The following CYP19A1 variants were observed in gnomAD, a reference collection of about 807,000 sequenced individuals.
CYP19A1 encodes cytochrome P450 family 19 subfamily A member 1.
In CYP19A1, 32 loss-of-function variants were observed where a neutral mutation model predicts 44.4. That is an observed-to-expected ratio of 0.72 (90% CI 0.54 to 0.97). The LOEUF is 0.97. CYP19A1 is among the 50% of genes least tolerant of loss of function. The pLI is 0.00. For missense variants in CYP19A1, 598 were observed against 637.8 expected, an observed-to-expected ratio of 0.94 and a Z score of 0.67; for synonymous variants, 212 against 215.6, an observed-to-expected ratio of 0.98 and a Z score of 0.14.
intron 1 of CYP19A1, among the ~76,000 whole-genome samples, chr15:51,286,655 T>G (rs1057513310): frequency 2.0e-5 from 3 of 152,002 alleles, no homozygotes; most frequent in Admixed American, 1.3e-4. Flanking sequence ...CCACCATGAG[T>G]ACCCCCTTAA....
chr15:51,311,985 A>C (rs2036319733), intron 1 of CYP19A1, among the ~76,000 whole-genome samples: 1 of 152,204 alleles, frequency 6.6e-6, no homozygotes, highest in Admixed American at 6.5e-5. Flanking sequence ...TTATATATCA[A>C]ACCCTAATGC....
chr15:51,292,768 A>G (rs920934806), intron 1 of CYP19A1, among the ~76,000 whole-genome samples: 7 of 151,296 alleles, frequency 4.6e-5, no homozygotes, highest in African/African-American at 1.7e-4. Flanking sequence ...CTGCCTATAC[A>G]TTTACACTGG....
intron 1 of CYP19A1, among the ~76,000 whole-genome samples, chr15:51,296,608 G>C (rs999080213): frequency 2.0e-5 from 3 of 152,288 alleles, no homozygotes; most frequent in Admixed American, 6.5e-5. Flanking sequence ...AGTTTAAAAA[G>C]TTGTTCCTTT....
At chr15:51,325,549 G>A (rs8041933) in intron 1 of CYP19A1, among the ~76,000 whole-genome samples, 27,410 of 152,102 alleles carry the variant, frequency 0.18, 2,771 homozygotes, top group Admixed American at 0.26. Flanking sequence ...TTGAAAAGTT[G>A]AAAGTGCAGG....
intron 1 of CYP19A1, among the ~76,000 whole-genome samples, chr15:51,269,267 G>T (rs535846388): frequency 6.6e-6 from 1 of 151,896 alleles, no homozygotes; most frequent in Admixed American, 6.5e-5. Flanking sequence ...CCGTTTTTTT[G>T]AAAAGGCCCT....
chr15:51,220,149 C>A (rs987240738), intron 5 of CYP19A1, among the ~76,000 whole-genome samples: 2 of 152,174 alleles, frequency 1.3e-5, no homozygotes, highest in Non-Finnish European at 2.9e-5. Flanking sequence ...GAGTGTTCTT[C>A]CCTCATATCT....
intron 1 of CYP19A1, among the ~76,000 whole-genome samples, chr15:51,246,064 G>A (rs1395193314): frequency 6.6e-6 from 1 of 152,188 alleles, no homozygotes; most frequent in Non-Finnish European, 1.5e-5. Context: ...ATGGACCTCT[G>A]AATGCCACAG....
intron 1 of CYP19A1, among the ~76,000 whole-genome samples, chr15:51,276,212 T>C (rs1304878239): frequency 6.6e-6 from 1 of 152,208 alleles, no homozygotes; most frequent in Non-Finnish European, 1.5e-5. Context: ...GCCAGTCTAA[T>C]CAGAGTATTT....
intron 2 of CYP19A1, among the ~76,000 whole-genome samples, chr15:51,237,224 G>A (rs1358043182): frequency 6.6e-6 from 1 of 152,188 alleles, no homozygotes; most frequent in African/African-American, 2.4e-5. Context: ...GTAAAAAGGA[G>A]TTCAGTATCC....
chr15:51,337,629 G>C (rs1566930215), intron 1 of CYP19A1, among the ~76,000 whole-genome samples: 1 of 152,244 alleles, frequency 6.6e-6, no homozygotes, highest in Non-Finnish European at 1.5e-5. Context: ...AGATGAGGAA[G>C]GGTACTCGGA....
chr15:51,232,223 A>T (rs1307643929), intron 3 of CYP19A1, among the ~76,000 whole-genome samples: 1 of 151,940 alleles, frequency 6.6e-6, no homozygotes, highest in African/African-American at 2.4e-5. Flanking sequence ...TTTTGCCCCC[A>T]CTAGTCCATT....
At chr15:51,293,728 C>G (rs143128123) in intron 1 of CYP19A1, 1 of 160,136 alleles carries the variant, frequency 6.2e-6, no homozygotes, top group African/African-American at 2.4e-5. Context: ...GACTGTTTTT[C>G]GTACTTTTTT....
intron 2 of CYP19A1, among the ~76,000 whole-genome samples, chr15:51,241,293 G>A (rs1026024561): frequency 6.6e-6 from 1 of 152,172 alleles, no homozygotes; most frequent in Non-Finnish European, 1.5e-5. Context: ...TTTTAAAAAT[G>A]CATGTTTCTA....
chr15:51,310,668 C>T (rs1196433746), intron 1 of CYP19A1, among the ~76,000 whole-genome samples: 2 of 152,080 alleles, frequency 1.3e-5, no homozygotes, highest in East Asian at 3.9e-4. Flanking sequence ...TCACTTTTTT[C>T]CCCTTGCACT....
chr15:51,223,591 T>TCACACACA (rs1157301044), intron 4 of CYP19A1, among the ~76,000 whole-genome samples: 436 of 56,892 alleles, frequency 7.7e-3, no homozygotes, highest in African/African-American at 9.3e-3. Flanking sequence ...TCTCTCTCTC[T>TCACACACA]CTCACACACA....
chr15:51,321,103 C>T (rs77766930), intron 1 of CYP19A1: 7,095 of 152,922 alleles, frequency 0.046, 559 homozygotes, highest in African/African-American at 0.16. Flanking sequence ...CTGCTTACTT[C>T]ATCCAGGGCC....
intron 2 of CYP19A1, among the ~76,000 whole-genome samples, chr15:51,238,421 G>A (rs1365330827): frequency 6.6e-6 from 1 of 152,164 alleles, no homozygotes; most frequent in Non-Finnish European, 1.5e-5. Context: ...GATGCTCAAC[G>A]AATGTTTCCT....
At chr15:51,236,294 C>T (rs28376471) in intron 3 of CYP19A1, among the ~76,000 whole-genome samples, 1 of 152,206 alleles carries the variant, frequency 6.6e-6, no homozygotes, top group Non-Finnish European at 1.5e-5. Context: ...GGCTTACCAT[C>T]TGCTCTTTTA....
intron 3 of CYP19A1, among the ~76,000 whole-genome samples, chr15:51,228,600 C>A (rs2032785405): frequency 6.6e-6 from 1 of 152,210 alleles, no homozygotes; most frequent in East Asian, 1.9e-4. Flanking sequence ...TATTTTGGGG[C>A]TCTGCCTTCC....
Sources: gnomAD v4.1 joint callset for allele counts (sites outside exome capture counted in the v4.1 genomes callset) on GRCh38, gnomAD v4.1.1 for gene constraint, MANE v1.5 for transcripts, NCBI Gene and HGNC (gene_info 2026-07-23, HGNC 2026-07-21) for gene names.